Variants in PNOC observed in about 807,000 individuals in gnomAD.
The protein encoded by PNOC is prepronociceptin.
In PNOC, 10 loss-of-function variants were observed where a neutral mutation model predicts 15.6. That is an observed-to-expected ratio of 0.64 (90% confidence interval 0.40 to 1.09). The LOEUF is 1.09. Ranked by LOEUF, PNOC falls within the 50% of genes least tolerant of loss-of-function variation. The pLI, the probability that PNOC is intolerant of heterozygous loss-of-function variation, is 0.01. For synonymous variants in PNOC, 98 were observed against 88.5 expected, an observed-to-expected ratio of 1.11 and a Z score of -0.60; for missense variants, 220 against 223.9, an observed-to-expected ratio of 0.98 and a Z score of 0.11.
intron 1 of PNOC, among the ~76,000 whole-genome samples, chr8:28,319,082 C>T (rs911638253): frequency 3.3e-5 from 5 of 151,632 alleles, no homozygotes; most frequent in South Asian, 4.2e-4. Context: ...ATTTGTACAA[C>T]GATTTAGGCG....
rs909714944 is a variant in PNOC, at chr8:28,329,144, C to A, written c.-14C>A. On this transcript the variant is annotated 5_prime_UTR_variant, in exon 2 of 4. Coordinates refer to ENST00000301908, the MANE Select transcript of PNOC (RefSeq NM_006228.5). ...TTCCTGTATGTTCCAGCACCTGCTT[C>A]CTGCTCCTGCACCATGAAAGTCCTG... 7 of 1,613,018 alleles carry A rather than the reference C, an allele frequency of 4.3e-6. No homozygotes were observed. Among genetic ancestry groups the A allele is most frequent in the Non-Finnish European group, 5.9e-6 (7 of 1,180,004 alleles).
In PNOC at chr8:28,329,185, C is replaced by G; in HGVS notation, c.28C>G (p.Leu10Val). 1 of 1,613,962 alleles carries G rather than the reference C, an allele frequency of 6.2e-7. No individual in the cohort carries two copies. Among genetic ancestry groups the G allele is most frequent in the Non-Finnish European group, 8.5e-7 (1 of 1,180,024 alleles). The change falls in exon 2 of 4, where the codon CTG (leucine) becomes GTG (valine). Residue 10 changes from leucine to valine, a missense_variant. Physicochemically the swap from Leu to Val is conservative, Grantham distance 32. Transcript: ENST00000301908. MKVLLCDLL[L>V]LSLFSSVFSS... ...GAAAGTCCTGCTTTGTGACCTGCTG[C>G]TGCTCAGTCTCTTCTCCAGTGTGTT...
intron 1 of PNOC, among the ~76,000 whole-genome samples, chr8:28,324,857 C>A (rs575069483): frequency 2.0e-5 from 3 of 151,988 alleles, no homozygotes; most frequent in African/African-American, 7.2e-5. Flanking sequence ...AGTGAAACAT[C>A]GTCTCAAAAA....
chr8:28,337,581 CTTTTTTTTTT>C (rs10685321), intron 2 of PNOC, among the ~76,000 whole-genome samples: 4 of 117,154 alleles, frequency 3.4e-5, no homozygotes, highest in South Asian at 2.8e-4. Context: ...ATTACGTTTC[CTTTTTTTTTT>C]TTTTTTTTTG....
intron 2 of PNOC, among the ~76,000 whole-genome samples, chr8:28,332,368 A>G (rs1165210400): frequency 1.3e-5 from 2 of 152,182 alleles, no homozygotes; most frequent in Non-Finnish European, 2.9e-5. Flanking sequence ...ACCAAATTAC[A>G]TAATCCTGAG....
In PNOC at chr8:28,342,944, G is replaced by A. The variant is rs908347407; in HGVS notation, c.*50G>A. 1.2e-5 allele frequency: 12 copies of A among 984,262 alleles called. 1 individual carries two copies. The highest frequency in any genetic ancestry group is 5.2e-4 in the Middle Eastern group (1 of 1,934). 61.0% of individuals were successfully genotyped at this position (984,262 alleles called of 1,614,324 possible). A position where few individuals can be genotyped will look rare whatever the true frequency, so the allele number is the denominator to read the frequency against. The stretch of plus-strand genomic sequence containing the variant: ...TTTAACCATTTCTGTCTCCCCAGGC[G>A]TCCAGGTGATCCCCCAAACAGCATG... On this transcript the variant is annotated splice_region_variant and 3_prime_UTR_variant, in exon 4 of 4. Coordinates refer to ENST00000301908, the MANE Select transcript of PNOC (RefSeq NM_006228.5).
At chr8:28,337,652 G>A (rs1207187793) in intron 2 of PNOC, among the ~76,000 whole-genome samples, 1 of 140,242 alleles carries the variant, frequency 7.1e-6, no homozygotes, top group African/African-American at 2.6e-5. Flanking sequence ...GCACGATCTC[G>A]GTTCACTGCA....
chr8:28,342,642 A>G (rs979926591), intron 3 of PNOC, among the ~76,000 whole-genome samples: 1 of 152,168 alleles, frequency 6.6e-6, no homozygotes, highest in Non-Finnish European at 1.5e-5. Flanking sequence ...CAAGGGCACT[A>G]TTTCGCATGG....
intron 2 of PNOC, among the ~76,000 whole-genome samples, chr8:28,332,482 T>G (rs1801343818): frequency 6.6e-6 from 1 of 152,188 alleles, no homozygotes; most frequent in Non-Finnish European, 1.5e-5. Flanking sequence ...ACTATAATTT[T>G]TATTGGTAAA....
At chr8:28,340,358 T>A (rs1204770802) in intron 3 of PNOC, 1 of 152,212 alleles carries the variant, frequency 6.6e-6, no homozygotes, top group Non-Finnish European at 1.5e-5. Context: ...AGTCCACATG[T>A]CTCATAATAT....
At position 28,322,824 on chromosome 8, in the gene PNOC, C is replaced by T. The variant is rs58062400; in HGVS notation, c.-24+5508C>T. ...CTGAGTTTAAGTCCTGGCTCTGCTA[C>T]TTATAAACCGGATGATCCTAGTCAA... On this transcript the variant is annotated intron_variant, in intron 1 of 3. Transcript: ENST00000301908. 1.4e-3 allele frequency among the ~76,000 whole-genome samples: 215 copies of T among 152,308 alleles called. 1 individual carries two copies. Among genetic ancestry groups the T allele is most frequent in the African/African-American group, 4.9e-3 (204 of 41,568 alleles).
At chr8:28,336,169 A>C (rs544707502) in intron 2 of PNOC, among the ~76,000 whole-genome samples, 95 of 152,302 alleles carry the variant, frequency 6.2e-4, no homozygotes, top group Non-Finnish European at 1.1e-3. Context: ...TGATTAATTC[A>C]TCTCAGTTCA....
intron 1 of PNOC, among the ~76,000 whole-genome samples, chr8:28,328,105 T>TTG (rs1801257087): frequency 7.9e-6 from 1 of 126,628 alleles, no homozygotes; most frequent in African/African-American, 3.0e-5. Flanking sequence ...TCTCACTCTG[T>TTG]CAACCAGGCT....
chr8:28,334,152 C>T (rs1801374551), intron 2 of PNOC, among the ~76,000 whole-genome samples: 1 of 152,164 alleles, frequency 6.6e-6, no homozygotes, highest in African/African-American at 2.4e-5. Context: ...GGCAAAATCA[C>T]TCCCAGTTGA....
At chr8:28,318,932 C>G (rs1489398798) in intron 1 of PNOC, among the ~76,000 whole-genome samples, 1 of 152,162 alleles carries the variant, frequency 6.6e-6, no homozygotes, top group Non-Finnish European at 1.5e-5. Context: ...AACCTGTGCT[C>G]CCTGGAGCCT....
intron 1 of PNOC, among the ~76,000 whole-genome samples, chr8:28,325,606 C>T (rs888787330): frequency 4.8e-5 from 7 of 145,860 alleles, no homozygotes; most frequent in East Asian, 4.0e-4. Flanking sequence ...GAGTCGAGAT[C>T]GCGCCACTGC....
intron 2 of PNOC, among the ~76,000 whole-genome samples, chr8:28,334,999 G>A (rs992706086): frequency 1.3e-5 from 2 of 152,326 alleles, no homozygotes; most frequent in East Asian, 3.9e-4. Flanking sequence ...AAAGCTAAAT[G>A]AAAAAGCCAT....
intron 1 of PNOC, among the ~76,000 whole-genome samples, chr8:28,319,844 T>G (rs889560650): frequency 3.3e-5 from 5 of 152,184 alleles, no homozygotes; most frequent in African/African-American, 1.2e-4. Flanking sequence ...AATGAGTGGC[T>G]GGCAGTGGCT....
chr8:28,320,876 A>T (rs1362846136), intron 1 of PNOC, among the ~76,000 whole-genome samples: 1 of 151,586 alleles, frequency 6.6e-6, no homozygotes, highest in Non-Finnish European at 1.5e-5. Context: ...AAAGAAGAAG[A>T]AGTTTGAAGA....
Sources: allele counts gnomAD v4.1 joint callset (sites outside exome capture counted in the v4.1 genomes callset), GRCh38; gene constraint gnomAD v4.1.1; transcripts MANE v1.5; gene names NCBI Gene and HGNC (gene_info 2026-07-23, HGNC 2026-07-21).